ABCA13: variants seen among roughly 807,000 people sequenced by gnomAD.
ABCA13 encodes the protein ATP binding cassette subfamily A member 13.
In ABCA13, 476 loss-of-function variants were observed where a neutral mutation model predicts 478.7. That is an observed-to-expected ratio of 0.99 (90% CI 0.92 to 1.07). The LOEUF (loss-of-function observed/expected upper bound fraction) is 1.07. Ranked by LOEUF, ABCA13 falls within the 50% of genes least tolerant of loss-of-function variation. The pLI, the probability that ABCA13 is intolerant of heterozygous loss-of-function variation, is 0.00. For synonymous variants in ABCA13, 2,252 were observed against 2,158.9 expected, an observed-to-expected ratio of 1.04 and a Z score of -1.20; for missense variants, 6,060 against 5,910.6, an observed-to-expected ratio of 1.03 and a Z score of -0.83.
intron 57 of ABCA13, 72 bp from the exon 58 acceptor site, chr7:48,594,638 C>G: frequency 7.1e-7 from 1 of 1,415,580 alleles, no homozygotes; most frequent in East Asian, 2.3e-5. Context: ...GGGGTCTGGC[C>G]TCCCATGTCA....
intron 3 of ABCA13, among the ~76,000 whole-genome samples, chr7:48,203,489 C>T (rs114989755): frequency 0.011 from 1,715 of 152,334 alleles, 31 homozygotes; most frequent in African/African-American, 0.039. Flanking sequence ...AATAAGTTTC[C>T]ATGACCTCCC....
rs780179651 is a variant in ABCA13, at chr7:48,279,111, T to A, written c.7917T>A (p.Ala2639=). ...KDFSDILEEI[A]EFLTSVKMNL... ...TTTCTGATATTTTGGAAGAAATTGC[T>A]GAATTTTTAACATCTGTGAAAATGA... is the stretch of plus-strand genomic sequence containing the variant. Residue 2639 remains alanine (A), a synonymous_variant, in exon 18 of 62, where the codon GCT becomes GCA. Coordinates refer to ENST00000435803, the MANE Select transcript of ABCA13 (RefSeq NM_152701.5). The A allele has an allele frequency of 8.2e-5, 132 of 1,611,032 alleles. No individual in the cohort carries two copies. The highest frequency in any genetic ancestry group is 3.7e-4 in the Admixed American group (22 of 59,762).
At chr7:48,366,838 A>G (rs930936003) in intron 31 of ABCA13, among the ~76,000 whole-genome samples, 9 of 152,100 alleles carry the variant, frequency 5.9e-5, no homozygotes, top group African/African-American at 9.7e-5. Flanking sequence ...AAATGTCAAC[A>G]TGAGTTTTGG....
At chr7:48,448,562 G>A (rs1383068174) in intron 42 of ABCA13, among the ~76,000 whole-genome samples, 1 of 152,150 alleles carries the variant, frequency 6.6e-6, no homozygotes, top group Non-Finnish European at 1.5e-5. Flanking sequence ...GCATTGCAAA[G>A]AACCAAATCA....
intron 37 of ABCA13, among the ~76,000 whole-genome samples, chr7:48,391,194 G>A (rs1323395076): frequency 6.6e-6 from 1 of 152,112 alleles, no homozygotes; most frequent in African/African-American, 2.4e-5. Context: ...TCCAGGGTTG[G>A]GGCCTAGCTT....
In ABCA13 at chr7:48,524,421, T is replaced by C. The variant is rs369922197; in HGVS notation, c.14225T>C (p.Leu4742Ser). ...QNIIAVQDIS[L>S]GIPKGECFGL... ...ATTATTGCTGTGCAAGATATTAGTT[T>C]GGGCATACCAAAAGGAGAGGTAATG... The change falls in exon 54 of 62, where the codon TTG (leucine) becomes TCG (serine). Residue 4742 changes from leucine to serine, a missense_variant. By Grantham distance (145) the Leu-to-Ser change is moderately radical. Transcript: ENST00000435803. 14 of 1,607,504 alleles carry C rather than the reference T, an allele frequency of 8.7e-6. No homozygotes were observed. The highest frequency in any genetic ancestry group is 1.2e-5 in the Non-Finnish European group (14 of 1,177,804).
At chr7:48,354,837 G>T (rs1224971899) in intron 31 of ABCA13, among the ~76,000 whole-genome samples, 1 of 152,012 alleles carries the variant, frequency 6.6e-6, no homozygotes, top group Admixed American at 6.5e-5. Flanking sequence ...GATCTCGAAA[G>T]AACTCAGTCA....
intron 55 of ABCA13, among the ~76,000 whole-genome samples, chr7:48,538,772 A>G (rs1833767072): frequency 6.6e-6 from 1 of 152,192 alleles, no homozygotes; most frequent in Non-Finnish European, 1.5e-5. Flanking sequence ...TTCATTACGC[A>G]AGAGTCTATT....
chr7:48,278,116 C>T lies in ABCA13; in HGVS notation c.6922C>T (p.Leu2308=). ...CAGTTTTGTCCCAAAAGATAAAATT[C>T]TAGAAATTCTGAAACTGGATCAATT... is the stretch of plus-strand genomic sequence containing the variant. ...EMSFVPKDKI[L]EILKLDQFLT... The change falls in exon 18 of 62, where the codon CTA becomes TTA. Residue 2308 remains leucine (L), a synonymous_variant. Transcript: ENST00000435803. 7.5e-7 allele frequency: 1 copy of T among 1,336,038 alleles called. No homozygotes were observed. Among genetic ancestry groups the T allele is most frequent in the Non-Finnish European group, 9.9e-7 (1 of 1,013,238 alleles). The allele number at this position is 1,336,038 out of a possible 1,614,324, so 82.8% of individuals were successfully genotyped here.
At chr7:48,488,542 G>A (rs1224840238) in intron 47 of ABCA13, among the ~76,000 whole-genome samples, 1 of 152,184 alleles carries the variant, frequency 6.6e-6, no homozygotes, top group African/African-American at 2.4e-5. Flanking sequence ...AGAGAAATGA[G>A]CTGTTCAGTC....
intron 55 of ABCA13, among the ~76,000 whole-genome samples, chr7:48,529,715 T>C (rs904207783): frequency 6.6e-6 from 1 of 152,224 alleles, no homozygotes; most frequent in Non-Finnish European, 1.5e-5. Flanking sequence ...TAATTGACTT[T>C]ATGTTGCATT....
At chr7:48,213,924 G>T (rs1786059219) in intron 3 of ABCA13, among the ~76,000 whole-genome samples, 1 of 152,122 alleles carries the variant, frequency 6.6e-6, no homozygotes, top group Admixed American at 6.5e-5. Context: ...TCTAATTCTA[G>T]TTCTTTTGCT....
chr7:48,264,331 T>A (rs1014608982), intron 15 of ABCA13, among the ~76,000 whole-genome samples: 1 of 151,930 alleles, frequency 6.6e-6, no homozygotes, highest in African/African-American at 2.4e-5. Flanking sequence ...GTGGGAGTTG[T>A]ATGCTTAGCC....
intron 55 of ABCA13, among the ~76,000 whole-genome samples, chr7:48,530,500 A>T (rs1339266070): frequency 6.6e-6 from 1 of 152,058 alleles, no homozygotes; most frequent in African/African-American, 2.4e-5. Flanking sequence ...CTTTGGGTAG[A>T]TACCTAGTAG....
intron 47 of ABCA13, among the ~76,000 whole-genome samples, chr7:48,487,034 G>A (rs986796040): frequency 1.4e-4 from 22 of 152,080 alleles, no homozygotes; most frequent in African/African-American, 2.4e-4. Context: ...GTTTTGGCCC[G>A]GTGCAGCGGC....
In ABCA13 at chr7:48,412,552, G is replaced by A; in HGVS notation, c.12428G>A (p.Gly4143Asp). Residue 4143 changes from glycine (G) to aspartate (D), a missense_variant, in exon 41 of 62, where the codon GGC becomes GAC. This residue lies in a region of ABCA13 where 1,627 missense variants were observed against 1,571.0 expected (regional missense o/e 1.04). Transcript: ENST00000435803. ...DENLHQLHLTGYGISDTTLEE... is the reference protein window; with the variant it reads ...DENLHQLHLTDYGISDTTLEE... Reference sequence around the variant, plus strand: ...AACCTGCATCAGCTGCACCTGACGGGCTATGGGATCTCAGACACCACCTTA... The same window carrying A: ...AACCTGCATCAGCTGCACCTGACGGACTATGGGATCTCAGACACCACCTTA... 1 of 1,611,740 alleles carries A rather than the reference G, an allele frequency of 6.2e-7. No homozygotes were observed. Among genetic ancestry groups the A allele is most frequent in the Non-Finnish European group, 8.5e-7 (1 of 1,178,960 alleles).
intron 54 of ABCA13, among the ~76,000 whole-genome samples, chr7:48,527,213 G>T (rs1325961128): frequency 6.6e-6 from 1 of 152,124 alleles, no homozygotes; most frequent in Non-Finnish European, 1.5e-5. Context: ...GGGTAGGCCT[G>T]GGGGAGACGG....
At chr7:48,177,200 G>A (rs888549905) in intron 1 of ABCA13, among the ~76,000 whole-genome samples, 1 of 152,202 alleles carries the variant, frequency 6.6e-6, no homozygotes, top group Non-Finnish European at 1.5e-5. Context: ...GTTTTGCATA[G>A]TTACATGTTA....
intron 57 of ABCA13, among the ~76,000 whole-genome samples, chr7:48,591,377 G>A (rs966332832): frequency 6.6e-6 from 1 of 151,854 alleles, no homozygotes; most frequent in Non-Finnish European, 1.5e-5. Context: ...AATTATAATA[G>A]CATAGTAGTA....
Sources: allele counts gnomAD v4.1 joint callset (sites outside exome capture counted in the v4.1 genomes callset), GRCh38; gene constraint gnomAD v4.1.1; regional missense constraint gnomAD v4.1.1; transcripts MANE v1.5; gene names NCBI Gene and HGNC (gene_info 2026-07-23, HGNC 2026-07-21).